Variants in TPTE2 observed in about 807,000 individuals in gnomAD.
TPTE2 encodes transmembrane phosphoinositide 3-phosphatase and tensin homolog 2.
In TPTE2, 53 loss-of-function variants were observed where a neutral mutation model predicts 78.6. That is an observed-to-expected ratio of 0.67 (90% CI 0.54 to 0.85). The LOEUF (loss-of-function observed/expected upper bound fraction) is 0.85. TPTE2 is among the 40% of genes least tolerant of loss of function. The probability of loss-of-function intolerance (pLI) is 0.00; values close to 1 mark genes in which losing one functional copy is unlikely to be tolerated. For missense variants in TPTE2, 461 were observed against 623.0 expected, an observed-to-expected ratio of 0.74 and a Z score of 2.77; for synonymous variants, 175 against 206.2, an observed-to-expected ratio of 0.85 and a Z score of 1.30.
chr13:19,446,283 G>A (rs977875016), intron 13 of TPTE2, among the ~76,000 whole-genome samples: 4 of 152,114 alleles, frequency 2.6e-5, no homozygotes, highest in Non-Finnish European at 5.9e-5. Flanking sequence ...AGACAATTCT[G>A]CCTTTATCAA....
At chr13:19,558,328 C>T in the TPTE2 span, among the ~76,000 whole-genome samples, 2 of 152,164 alleles carry the variant, frequency 1.3e-5, no homozygotes. Context: ...TTTTAAAATT[C>T]TGTGAACCAC....
At chr13:19,551,410 C>T in the TPTE2 span, among the ~76,000 whole-genome samples, 7 of 151,884 alleles carry the variant, frequency 4.6e-5, no homozygotes, top group African/African-American at 7.3e-5. Flanking sequence ...GCCAACACTG[C>T]GAAACCCCAT....
chr13:19,499,287 C>T (rs1160188361), intron 1 of TPTE2, among the ~76,000 whole-genome samples: 1 of 151,848 alleles, frequency 6.6e-6, no homozygotes, highest in Non-Finnish European at 1.5e-5. Context: ...CTCAGCTCTG[C>T]ACCAAGCAGA....
intron 1 of TPTE2, among the ~76,000 whole-genome samples, chr13:19,512,176 G>A (rs1277626927): frequency 6.6e-6 from 1 of 152,014 alleles, no homozygotes; most frequent in African/African-American, 2.4e-5. Context: ...CCCTTTAAAA[G>A]GCCATGAAAT....
upstream of TPTE2, chr13:19,506,086 T>A (rs2137681451): frequency 6.6e-6 from 1 of 151,306 alleles, no homozygotes; most frequent in Non-Finnish European, 1.5e-5. Context: ...GTTTTATGTT[T>A]CTGTGTGTGT....
intron 1 of TPTE2, among the ~76,000 whole-genome samples, chr13:19,497,434 A>G (rs1481781542): frequency 9.7e-5 from 12 of 123,668 alleles, no homozygotes; most frequent in African/African-American, 3.3e-4. Context: ...TGGTTCTCCC[A>G]GCACGCAGCT....
upstream of TPTE2, among the ~76,000 whole-genome samples, chr13:19,504,539 G>T (rs556408559): frequency 1.3e-5 from 2 of 152,106 alleles, no homozygotes; most frequent in Non-Finnish European, 2.9e-5. Flanking sequence ...ACTGCTACTC[G>T]CTTGTTGCTC....
chr13:19,521,479 C>T (rs1870149141), intron 1 of TPTE2, among the ~76,000 whole-genome samples: 1 of 151,806 alleles, frequency 6.6e-6, no homozygotes, highest in Non-Finnish European at 1.5e-5. Flanking sequence ...TAAAACAAGT[C>T]TCTTATAGAC....
intron 10 of TPTE2, among the ~76,000 whole-genome samples, chr13:19,460,288 C>G (rs549370761): frequency 1.3e-5 from 2 of 152,342 alleles, no homozygotes; most frequent in East Asian, 3.9e-4. Context: ...CACTGCTTCC[C>G]TTGGCTGGGA....
intron 13 of TPTE2, among the ~76,000 whole-genome samples, chr13:19,448,746 G>A (rs1877993369): frequency 1.3e-5 from 2 of 152,254 alleles, no homozygotes; most frequent in South Asian, 4.1e-4. Flanking sequence ...GTGGAAAACA[G>A]CACTGAGATT....
At chr13:19,556,624 C>T in the TPTE2 span, among the ~76,000 whole-genome samples, 1 of 152,054 alleles carries the variant, frequency 6.6e-6, no homozygotes, top group African/African-American at 2.4e-5. Flanking sequence ...ATTCTGGGCT[C>T]CAGTGATCCT....
intron 18 of TPTE2, among the ~76,000 whole-genome samples, chr13:19,425,513 C>T (rs149309423): frequency 9.2e-5 from 14 of 152,258 alleles, no homozygotes; most frequent in African/African-American, 2.9e-4. Context: ...CCTTATACAA[C>T]CTTCTCCTGA....
intron 3 of TPTE2, among the ~76,000 whole-genome samples, chr13:19,489,606 A>G (rs1347726435): frequency 6.6e-6 from 1 of 150,442 alleles, no homozygotes; most frequent in African/African-American, 2.4e-5. Flanking sequence ...ATATATATAC[A>G]CACATTTAAA....
At position 19,489,240 on chromosome 13, in the gene TPTE2, T is replaced by A. The variant is rs190404896; in HGVS notation, c.119+3610A>T. 4.2e-3 allele frequency among the ~76,000 whole-genome samples: 635 copies of A among 152,228 alleles called. 5 individuals are homozygous for A. Among genetic ancestry groups the A allele is most frequent in the South Asian group, 0.026 (127 of 4,818 alleles). ...TAAAAAGTTTGGAATATTGCAAGAA[T>A]TATTAAAATGTGACAGAGACACAAG... On this transcript the variant is annotated intron_variant, in intron 3 of 19. Transcript: ENST00000400230.
chr13:19,426,863 C>T (rs1022379223), intron 17 of TPTE2, among the ~76,000 whole-genome samples: 39 of 151,648 alleles, frequency 2.6e-4, no homozygotes, highest in African/African-American at 9.5e-4. Context: ...AGCCATCACA[C>T]CCAGCTAATT....
At chr13:19,452,948 A>G in intron 10 of TPTE2, among the ~76,000 whole-genome samples, 1 of 148,332 alleles carries the variant, frequency 6.7e-6, no homozygotes, top group East Asian at 2.0e-4. Context: ...TGTCCTTCAT[A>G]TTTTTTTATT....
intron 1 of TPTE2, among the ~76,000 whole-genome samples, chr13:19,508,619 C>T (rs1869229161): frequency 1.3e-5 from 2 of 152,148 alleles, no homozygotes; most frequent in Middle Eastern, 3.4e-3. Flanking sequence ...AATTGAGGAA[C>T]TTACCCAGAA....
the TPTE2 span, among the ~76,000 whole-genome samples, chr13:19,543,174 C>A: frequency 6.6e-6 from 1 of 151,888 alleles, no homozygotes; most frequent in Non-Finnish European, 1.5e-5. Context: ...CGTCCCACTT[C>A]CCAAGTAGCT....
chr13:19,485,341 A>G (rs185286715), intron 3 of TPTE2, among the ~76,000 whole-genome samples: 2 of 152,158 alleles, frequency 1.3e-5, no homozygotes, highest in South Asian at 4.1e-4. Context: ...TTCTCAGCTG[A>G]AAGTTTTTTT....
Sources: gnomAD v4.1 joint callset for allele counts (sites outside exome capture counted in the v4.1 genomes callset) on GRCh38, gnomAD v4.1.1 for gene constraint, MANE v1.5 for transcripts, NCBI Gene and HGNC (gene_info 2026-07-23, HGNC 2026-07-21) for gene names.